The following MADD variants were observed in gnomAD, a reference collection of about 807,000 sequenced individuals.
MADD encodes the protein MAP kinase-activating death domain protein.
MADD carries 109 observed loss-of-function variants against 176.7 expected under a neutral mutation model. That is an observed-to-expected ratio of 0.62 (90% CI 0.53 to 0.72). The LOEUF (loss-of-function observed/expected upper bound fraction) is 0.72. Ranked by LOEUF, MADD falls within the 30% of genes least tolerant of loss-of-function variation. The pLI, the probability that MADD is intolerant of heterozygous loss-of-function variation, is 0.00. For missense variants in MADD, 1,914 were observed against 2,045.5 expected (o/e 0.94, Z 1.24); for synonymous variants, 771 against 771.3 (o/e 1.00, Z 0.01).
chr11:47,323,890 GAAT>G, intron 28 of MADD, 55 bp downstream of exon 31: 1 of 1,565,586 alleles, frequency 6.4e-7, no homozygotes, highest in South Asian at 1.1e-5. Context: ...ACCAAATAGT[GAAT>G]TTCTCTTTGG....
intron 15 of MADD, 48 bp downstream of exon 16, chr11:47,289,075 A>G: frequency 2.0e-6 from 3 of 1,530,474 alleles, no homozygotes; most frequent in South Asian, 2.5e-5. Flanking sequence ...TTTCTCTAGC[A>G]TCTTCTGTGC....
In MADD at chr11:47,308,911, C is replaced by T. The variant is rs1356803491; in HGVS notation, c.3751+212C>T. ...ATTGGGTTTTGGTGTTAATCAACAG[C>T]CTTTGCCTTTCTGTCTTCCTTTCTT... On this transcript the variant is annotated intron_variant, in intron 23 of 32. Coordinates refer to ENST00000402192, the Ensembl canonical transcript of MADD. 2.1e-5 allele frequency: 31 copies of T among 1,446,112 alleles called. No homozygotes were observed. The South Asian group carries it at 3.6e-4, about 17-fold the overall frequency. 89.6% of individuals were successfully genotyped at this position (1,446,112 alleles called of 1,614,324 possible).
intron 22 of MADD, among the ~76,000 whole-genome samples, chr11:47,306,038 A>C (rs1295471428): frequency 6.6e-6 from 1 of 152,272 alleles, no homozygotes; most frequent in East Asian, 1.9e-4. Flanking sequence ...GCTAGGATGC[A>C]TGACTGCCCT....
At chr11:47,284,835 C>T in intron 12 of MADD, 106 bp from the exon 13 acceptor site, 1 of 1,486,032 alleles carries the variant, frequency 6.7e-7, no homozygotes, top group Admixed American at 1.9e-5. Context: ...CCACACATTC[C>T]TTAGGCTAGA....
intron 18 of MADD, 54 bp from the exon 20 acceptor site, chr11:47,290,556 G>T: frequency 6.5e-7 from 1 of 1,548,588 alleles, no homozygotes; most frequent in Non-Finnish European, 8.8e-7. Flanking sequence ...CCTCATATCT[G>T]CGCCTTGATT....
At chr11:47,309,198 C>G (rs2085830561) in intron 23 of MADD, 83 bp from the exon 27 acceptor site, 1 of 1,564,102 alleles carries the variant, frequency 6.4e-7, no homozygotes. Context: ...TCCCTTTTAT[C>G]TGGATTTTAC....
At position 47,284,458 on chromosome 11, in the gene MADD, G is replaced by A. The variant is rs770796461; in HGVS notation, c.2050G>A (p.Glu684Lys). The stretch of plus-strand genomic sequence containing the variant: ...GCTGCAGAATCAGAAGGAAGCAGAA[G>A]AGCCTGGCCCAGACAGTGAGAACTC... The change falls in exon 12 of 33, where the codon GAG (glutamate) becomes AAG (lysine). Residue 684 changes from glutamate to lysine, a missense_variant. Glu to Lys is a moderately conservative substitution (Grantham distance 56). This residue lies in a region of MADD where 1,767 missense variants were observed against 1,836.0 expected (regional missense o/e 0.96). Transcript: ENST00000402192. The A allele has an allele frequency of 8.1e-6, 13 of 1,614,164 alleles. No homozygotes were observed. The East Asian group carries it at 2.5e-4, about 30-fold the overall frequency.
At chr11:47,270,181 A>C (rs1958937547) in exon 1 of MADD, 1 of 151,770 alleles carries the variant, frequency 6.6e-6, no homozygotes, top group South Asian at 2.1e-4. Flanking sequence ...CGCGCTGGGG[A>C]GCGACTGACG....
chr11:47,286,334 G>A (rs142319597), intron 14 of MADD, 99 bp from the exon 15 acceptor site: 1 of 789,044 alleles, frequency 1.3e-6, no homozygotes, highest in African/African-American at 1.7e-5. Context: ...CTGGGATTGT[G>A]TTTGAAAAGG....
At chr11:47,322,569 G>A (rs762595878) in intron 27 of MADD, among the ~76,000 whole-genome samples, 3 of 152,084 alleles carry the variant, frequency 2.0e-5, no homozygotes, top group Non-Finnish European at 4.4e-5. Flanking sequence ...ACGGGATTGC[G>A]CCACTGCACT....
intron 16 of MADD, 139 bp from the exon 18 acceptor site, chr11:47,289,728 T>C: frequency 3.0e-6 from 3 of 990,242 alleles, no homozygotes; most frequent in Non-Finnish European, 4.6e-6. Context: ...TCCAGAGAGG[T>C]GGGGATGTGG....
At chr11:47,291,218 T>C (rs1468894736) in intron 19 of MADD, among the ~76,000 whole-genome samples, 1 of 152,196 alleles carries the variant, frequency 6.6e-6, no homozygotes, top group Non-Finnish European at 1.5e-5. Flanking sequence ...CTGAAGCCAG[T>C]GTCCTCCCAT....
At chr11:47,327,344 T>G (rs2095558653) in intron 31 of MADD, 1 of 985,250 alleles carries the variant, frequency 1.0e-6, no homozygotes, top group Non-Finnish European at 1.2e-6. Flanking sequence ...TAGGGAGTGG[T>G]GTAGTGGGTT....
rs2095413842 is a variant in MADD, at chr11:47,325,968, G to C, written c.4543-770G>C. ...GACCTGCCCCCTATTCTGCCACACA[G>C]TGTTCAGTTGGAGTGGAGGAGGCAG... On this transcript the variant is annotated intron_variant, in intron 30 of 32. Transcript: ENST00000402192. This position sits in a 1 kb window ranked among gnomAD's most constrained non-coding sequence, Gnocchi z 4.5. Among the ~76,000 whole-genome samples, 1 of 152,216 alleles carries C rather than the reference G, an allele frequency of 6.6e-6. No individual in the cohort carries two copies. Among genetic ancestry groups the C allele is most frequent in the Admixed American group, 6.5e-5 (1 of 15,274 alleles).
At chr11:47,289,052 A>C in intron 15 of MADD, 25 bp downstream of exon 16, 1 of 1,571,542 alleles carries the variant, frequency 6.4e-7, no homozygotes, top group Non-Finnish European at 8.6e-7. Context: ...TGAGCTGTGC[A>C]TGATCTTTTT....
chr11:47,285,014 C>T (rs139477189), exon 13 of MADD: 2 of 1,614,110 alleles, frequency 1.2e-6, no homozygotes, highest in African/African-American at 2.7e-5. Context: ...TCCGTGCCTC[C>T]CAGCATTGGC....
intron 20 of MADD, among the ~76,000 whole-genome samples, chr11:47,294,217 C>T (rs1408791370): frequency 3.3e-5 from 5 of 151,286 alleles, no homozygotes; most frequent in Admixed American, 2.6e-4. Context: ...GGCATGGTGG[C>T]GCATGCCTGT....
Position 47,274,546 on chromosome 11 carries a change from G to A in MADD, c.63-17G>A. On this transcript the variant is annotated splice_polypyrimidine_tract_variant and intron_variant, in intron 2 of 32. Transcript: ENST00000402192. ...TCCATCCCTTCAGGCTGCTGAATTT[G>A]TCTTTATGTTCTTCAGGCACCCGAG... is the stretch of plus-strand genomic sequence containing the variant. 1 of 1,591,482 alleles carries A rather than the reference G, an allele frequency of 6.3e-7. No homozygotes were observed. The highest frequency in any genetic ancestry group is 8.6e-7 in the Non-Finnish European group (1 of 1,161,922).
chr11:47,290,170 A>G (rs2063971136), exon 18 of MADD: 2 of 1,614,160 alleles, frequency 1.2e-6, no homozygotes, highest in Non-Finnish European at 1.7e-6. Context: ...GAAGGTGTAC[A>G]AGGGAATGTT....
Sources: allele counts gnomAD v4.1 joint callset (sites outside exome capture counted in the v4.1 genomes callset), GRCh38; gene constraint gnomAD v4.1.1; regional missense constraint gnomAD v4.1.1; non-coding constraint Gnocchi (gnomAD v3.1); transcripts MANE v1.5; gene names NCBI Gene and HGNC (gene_info 2026-07-23, HGNC 2026-07-21).